Variants in SYN3 observed in about 807,000 individuals in gnomAD.
SYN3 encodes synapsin III.
SYN3 carries 35 observed loss-of-function variants against 65.8 expected under a neutral mutation model. The ratio of observed to expected loss-of-function variants is 0.53; its 90% CI spans 0.41 to 0.70. The LOEUF (loss-of-function observed/expected upper bound fraction) is 0.70, where lower values mean the gene tolerates loss of function less well. Ranked by LOEUF, SYN3 falls within the 30% of genes least tolerant of loss-of-function variation. The pLI is 0.00. For missense variants in SYN3, 680 were observed against 749.0 expected (o/e 0.91, Z 1.08); for synonymous variants, 270 against 292.9 (o/e 0.92, Z 0.80).
At chr22:32,987,600 A>G (rs2052565735) in intron 2 of SYN3, among the ~76,000 whole-genome samples, 1 of 152,198 alleles carries the variant, frequency 6.6e-6, no homozygotes, top group East Asian at 1.9e-4. Context: ...GAGACTCCCT[A>G]TGCCTGTATG....
chr22:32,873,239 C>A (rs1204294306), intron 4 of SYN3, among the ~76,000 whole-genome samples: 1 of 152,224 alleles, frequency 6.6e-6, no homozygotes, highest in Non-Finnish European at 1.5e-5. Context: ...ACGTGAGCCA[C>A]CGTGCCCGGC....
At chr22:32,596,800 C>A (rs899253950) in intron 6 of SYN3, 64 bp from the exon 7 acceptor site, 2 of 1,493,800 alleles carry the variant, frequency 1.3e-6, no homozygotes, top group Non-Finnish European at 1.9e-6. Flanking sequence ...GCTCTGGGTG[C>A]TGCTTGTTCC....
At chr22:32,612,725 C>G (rs1051983956) in intron 6 of SYN3, among the ~76,000 whole-genome samples, 3 of 152,048 alleles carry the variant, frequency 2.0e-5, no homozygotes, top group African/African-American at 7.2e-5. Flanking sequence ...GCCTGTAGTC[C>G]CAGCCACTTG....
chr22:32,814,349 G>GGAAGAAAGGAAGAAAGAAAGAA (rs1569245511), intron 6 of SYN3, among the ~76,000 whole-genome samples: 4 of 148,528 alleles, frequency 2.7e-5, no homozygotes, highest in African/African-American at 7.5e-5. Context: ...GAGAAAGAAA[G>GGAAGAAAGGAAGAAAGAAAGAA]AGAGAAAGAA....
At chr22:32,685,510 C>T (rs2060578027) in intron 6 of SYN3, among the ~76,000 whole-genome samples, 1 of 152,210 alleles carries the variant, frequency 6.6e-6, no homozygotes, top group East Asian at 1.9e-4. Context: ...CATATTTTTA[C>T]TGTACCTTTT....
chr22:33,009,721 T>C (rs2053298975), intron 1 of SYN3, among the ~76,000 whole-genome samples: 1 of 150,666 alleles, frequency 6.6e-6, no homozygotes, highest in South Asian at 2.1e-4. Context: ...CTGGGAATAC[T>C]TTACATATCC....
intron 6 of SYN3, among the ~76,000 whole-genome samples, chr22:32,773,228 GA>G (rs56050140): frequency 1 from 152,040 of 152,040 alleles, 76,020 homozygotes; most frequent in Non-Finnish European, 1. Context: ...GCAACACAGT[GA>G]AAACCCTGTC....
chr22:33,016,220 C>T (rs560679568), intron 1 of SYN3, among the ~76,000 whole-genome samples: 2 of 152,176 alleles, frequency 1.3e-5, no homozygotes, highest in Non-Finnish European at 2.9e-5. Context: ...CAGTTTGGTA[C>T]ATTAACAGCA....
intron 10 of SYN3, 96 bp from the exon 11 acceptor site, chr22:32,529,104 G>A (rs1190644110): frequency 6.7e-7 from 1 of 1,494,512 alleles, no homozygotes; most frequent in South Asian, 1.2e-5. Flanking sequence ...GCTCAGGACA[G>A]AAGTGACCAC....
At chr22:32,746,438 AAAT>A (rs1363788070) in intron 6 of SYN3, among the ~76,000 whole-genome samples, 1 of 152,356 alleles carries the variant, frequency 6.6e-6, no homozygotes, top group South Asian at 2.1e-4. Flanking sequence ...CAGCTGGACT[AAAT>A]AATATTTTAA....
intron 4 of SYN3, among the ~76,000 whole-genome samples, chr22:32,882,608 C>T (rs529062519): frequency 2.0e-5 from 3 of 152,212 alleles, no homozygotes; most frequent in South Asian, 4.1e-4. Flanking sequence ...CAATGTCACA[C>T]GGCAGATGCA....
intron 6 of SYN3, among the ~76,000 whole-genome samples, chr22:32,789,186 G>T (rs776753789): frequency 2.0e-5 from 3 of 152,214 alleles, no homozygotes; most frequent in African/African-American, 2.4e-5. Context: ...ACAAAAAAAT[G>T]ATTTTTCAAC....
Position 32,569,871 on chromosome 22 carries a change from C to T in SYN3, c.774+26803G>A, listed in dbSNP as rs145025747. ...TTGAACAGTGCCAGGCACAAAGCAA[C>T]GAATGTTAGCTGTTTGTCATTAACC... is the stretch of plus-strand genomic sequence containing the variant. On this transcript the variant is annotated intron_variant, in intron 7 of 13. Coordinates refer to ENST00000358763, the MANE Select transcript of SYN3 (RefSeq NM_003490.4). Among the ~76,000 whole-genome samples the T allele has an allele frequency of 2.0e-3, 311 of 152,184 alleles. 1 individual carries two copies. The highest frequency in any genetic ancestry group is 6.9e-3 in the African/African-American group (288 of 41,494).
chr22:32,642,480 G>A (rs1569117000), intron 6 of SYN3, among the ~76,000 whole-genome samples: 1 of 149,992 alleles, frequency 6.7e-6, no homozygotes, highest in Non-Finnish European at 1.5e-5. Context: ...TTGCTCTGTC[G>A]CCCAGGCTGG....
chr22:32,719,191 A>G (rs2061081361), intron 6 of SYN3, among the ~76,000 whole-genome samples: 1 of 152,132 alleles, frequency 6.6e-6, no homozygotes, highest in Non-Finnish European at 1.5e-5. Flanking sequence ...CAATATGTCT[A>G]TTTCTCTCCT....
chr22:33,056,574 T>C (rs2054257599), intron 1 of SYN3, among the ~76,000 whole-genome samples: 1 of 152,224 alleles, frequency 6.6e-6, no homozygotes, highest in Admixed American at 6.5e-5. Context: ...ATGGGAGGGA[T>C]TGAGACCTCT....
intron 4 of SYN3, among the ~76,000 whole-genome samples, chr22:32,917,122 T>C (rs1235013098): frequency 6.6e-6 from 1 of 152,170 alleles, no homozygotes; most frequent in Non-Finnish European, 1.5e-5. Flanking sequence ...AAAGACTTCC[T>C]CATTTAGTCC....
intron 3 of SYN3, among the ~76,000 whole-genome samples, chr22:32,961,904 T>G (rs893360166): frequency 2.6e-5 from 4 of 152,148 alleles, no homozygotes; most frequent in African/African-American, 9.7e-5. Context: ...TAGAGAAACA[T>G]TAGCTTGGAA....
rs760703048 is a variant in SYN3, at chr22:32,869,004, G to T, written c.583C>A (p.Leu195Ile). 2 of 1,614,128 alleles carry T rather than the reference G, an allele frequency of 1.2e-6. No individual in the cohort carries two copies. The highest frequency in any genetic ancestry group is 1.7e-6 in the Non-Finnish European group (2 of 1,180,020). The change falls in exon 5 of 14, where the codon CTC becomes ATC. Residue 195 changes from leucine to isoleucine, a missense_variant. Leu to Ile is a conservative substitution (Grantham distance 5, BLOSUM62 2). Transcript: ENST00000358763. ...CTGCAGAAGTTGTAGACGGAGTAGA[G>T]AGAGTTGACAGCAGGCAGCCCTCCA... ...QYGGLPAVNSLYSVYNFCSKP... is the reference protein window; with the variant it reads ...QYGGLPAVNSIYSVYNFCSKP...
Sources: allele counts gnomAD v4.1 joint callset (sites outside exome capture counted in the v4.1 genomes callset), GRCh38; gene constraint gnomAD v4.1.1; transcripts MANE v1.5; gene names NCBI Gene and HGNC (gene_info 2026-07-23, HGNC 2026-07-21).